The following CASP10 variants were observed in gnomAD, a reference collection of about 807,000 sequenced individuals.
CASP10 encodes caspase-10.
In CASP10, 41 loss-of-function variants were observed where a neutral mutation model predicts 48.5. The observed-to-expected ratio is 0.85, with a 90% CI of 0.66 to 1.10. The LOEUF (loss-of-function observed/expected upper bound fraction) is 1.10. CASP10 is among the 50% of genes least tolerant of loss of function. CASP10 has a pLI of 0.00. For missense variants in CASP10, 614 were observed against 614.5 expected, an observed-to-expected ratio of 1.00 and a Z score of 0.01; for synonymous variants, 232 against 238.4, an observed-to-expected ratio of 0.97 and a Z score of 0.25.
At position 201,219,334 on chromosome 2, in the gene CASP10, T is replaced by C. The variant is rs564618271; in HGVS notation, c.*1593T>C. The C allele has an allele frequency of 3.6e-3, 2,147 of 591,228 alleles. 6 individuals carry two copies. The highest frequency in any genetic ancestry group is 7.9e-3 in the South Asian group (104 of 13,246). The allele number at this position is 591,228 out of a possible 1,614,324, so 36.6% of individuals were successfully genotyped here. On this transcript the variant is annotated 3_prime_UTR_variant, in exon 10 of 10. Transcript: ENST00000286186. Reference sequence around the variant, plus strand: ...CCATTGACAGAACACCCAATTCAAATTGACTGAAGCAAAGAAGGGAATTTA... The same window carrying C: ...CCATTGACAGAACACCCAATTCAAACTGACTGAAGCAAAGAAGGGAATTTA...
At chr2:201,199,164 C>T (rs561564731) in intron 5 of CASP10, among the ~76,000 whole-genome samples, 40 of 152,218 alleles carry the variant, frequency 2.6e-4, no homozygotes, top group Admixed American at 4.6e-4. Context: ...TAAATATTTT[C>T]GTGTGTATTT....
intron 7 of CASP10, among the ~76,000 whole-genome samples, chr2:201,207,326 A>C (rs909950270): frequency 6.6e-6 from 1 of 152,186 alleles, no homozygotes; most frequent in Non-Finnish European, 1.5e-5. Flanking sequence ...CTAGAGTATA[A>C]AAACATGGTT....
At chr2:201,188,872 AT>A (rs112390573) in intron 3 of CASP10, among the ~76,000 whole-genome samples, 8,154 of 143,996 alleles carry the variant, frequency 0.057, 244 homozygotes, top group African/African-American at 0.094. Flanking sequence ...AGATATTAGA[AT>A]TTTTTTTTTT....
At chr2:201,184,372 G>A (rs1944337085) in intron 1 of CASP10, among the ~76,000 whole-genome samples, 1 of 152,152 alleles carries the variant, frequency 6.6e-6, no homozygotes, top group African/African-American at 2.4e-5. Flanking sequence ...CACCCAGGGT[G>A]GAGTGCAGTG....
chr2:201,195,867 A>T lies in CASP10; in HGVS notation c.603A>T (p.Val201=). 6.2e-7 allele frequency: 1 copy of T among 1,613,600 alleles called. No individual in the cohort carries two copies. Among genetic ancestry groups the T allele is most frequent in the African/African-American group, 1.3e-5 (1 of 75,002 alleles). ...EKAIQIVTPP[V]DKEAESYQGE... ...CTATCCAGATAGTGACACCTCCTGT[A>T]GACAAGGAAGCCGAGTCGTATCAAG... Residue 201 remains valine, a synonymous_variant, in exon 5 of 10, where the codon GTA becomes GTT. Coordinates refer to ENST00000286186, the MANE Select transcript of CASP10 (RefSeq NM_032977.4).
In CASP10 at chr2:201,187,819, T is replaced by C; in HGVS notation, c.441+20T>C. The C allele has an allele frequency of 1.3e-6, 2 of 1,515,484 alleles. No homozygotes were observed. The highest frequency in any genetic ancestry group is 1.8e-6 in the Non-Finnish European group (2 of 1,089,876). 93.9% of individuals were successfully genotyped at this position (1,515,484 alleles called of 1,614,324 possible). On this transcript the variant is annotated intron_variant, in intron 3 of 9. Coordinates refer to ENST00000286186, the MANE Select transcript of CASP10 (RefSeq NM_032977.4). ...GAAATGGTGAGTGGGTCATACAGAA[T>C]GGGTCTGTGTGAGCACTGTCTTAAT...
chr2:201,223,960 A>G (rs1004583793), downstream of CASP10, among the ~76,000 whole-genome samples: 1 of 151,586 alleles, frequency 6.6e-6, no homozygotes, highest in Non-Finnish European at 1.5e-5. Context: ...GTTTTTTAAA[A>G]ATGGAACTCT....
downstream of CASP10, among the ~76,000 whole-genome samples, chr2:201,225,376 G>T (rs1171276781): frequency 2.0e-5 from 3 of 152,122 alleles, no homozygotes; most frequent in African/African-American, 7.2e-5. Context: ...GATGTGGCTG[G>T]GGTAAAAACC....
chr2:201,201,427 C>G (rs1945014178), intron 5 of CASP10, among the ~76,000 whole-genome samples: 2 of 152,132 alleles, frequency 1.3e-5, no homozygotes, highest in African/African-American at 4.8e-5. Context: ...TCTTCCCACC[C>G]ACTTTTTCAA....
chr2:201,185,772 C>T lies in CASP10; in HGVS notation c.-6C>T. ...GCCCCACCTCTCTGTCCCTTTCAGG[C>T]TGGCCATGAAATCTCAAGGTCAACA... On this transcript the variant is annotated splice_region_variant and 5_prime_UTR_variant, in exon 2 of 10. Transcript: ENST00000286186. 1.2e-6 allele frequency: 2 copies of T among 1,603,564 alleles called. No individual in the cohort carries two copies. Among genetic ancestry groups the T allele is most frequent in the Non-Finnish European group, 8.5e-7 (1 of 1,170,460 alleles).
At chr2:201,191,400 C>T (rs181658099) in intron 3 of CASP10, among the ~76,000 whole-genome samples, 8 of 151,390 alleles carry the variant, frequency 5.3e-5, no homozygotes, top group East Asian at 1.9e-4. Context: ...TTGTTGGGGG[C>T]GGGGTGGGGA....
chr2:201,211,443 A>G (rs1397995300), intron 9 of CASP10, among the ~76,000 whole-genome samples: 1 of 152,202 alleles, frequency 6.6e-6, no homozygotes, highest in Non-Finnish European at 1.5e-5. Flanking sequence ...TGCTTCTATG[A>G]CATCAACTTT....
Position 201,217,969 on chromosome 2 carries a change from A to AG in CASP10, c.*234dup. On this transcript the variant is annotated 3_prime_UTR_variant, in exon 10 of 10. Transcript: ENST00000286186. ...CATTCTGTCACCCAGACTGGAGTGCAGGGGGGCAATCACGGCTCACTGTAG... is the reference window on the plus strand; with the variant it reads ...CATTCTGTCACCCAGACTGGAGTGCAGGGGGGGCAATCACGGCTCACTGTAG... 1.7e-6 allele frequency: 2 copies of AG among 1,202,106 alleles called. No individual in the cohort carries two copies. Among genetic ancestry groups the AG allele is most frequent in the Non-Finnish European group, 2.2e-6 (2 of 923,316 alleles). 74.5% of individuals were successfully genotyped at this position (1,202,106 alleles called of 1,614,324 possible).
At position 201,220,991 on chromosome 2, in the gene CASP10, T is replaced by G. The variant is rs563614665; in HGVS notation, c.*3250T>G. 2.0e-6 allele frequency: 2 copies of G among 985,322 alleles called. No individual in the cohort carries two copies. Among genetic ancestry groups the G allele is most frequent in the African/African-American group, 3.5e-5 (2 of 57,244 alleles). The allele number at this position is 985,322 out of a possible 1,614,324, so 61.0% of individuals were successfully genotyped here. A position where few individuals can be genotyped will look rare whatever the true frequency, so the allele number is the denominator to read the frequency against. ...CTTGTCTGTAAAGTAGAGAAAACATTAGCTGTTGGGAAGACGAAAAAGAAT... is the reference window on the plus strand; with the variant it reads ...CTTGTCTGTAAAGTAGAGAAAACATGAGCTGTTGGGAAGACGAAAAAGAAT... On this transcript the variant is annotated 3_prime_UTR_variant, in exon 10 of 10. Coordinates refer to ENST00000286186, the MANE Select transcript of CASP10 (RefSeq NM_032977.4).
intron 9 of CASP10, among the ~76,000 whole-genome samples, chr2:201,210,594 G>A (rs760802520): frequency 7.2e-5 from 11 of 152,136 alleles, no homozygotes; most frequent in South Asian, 2.1e-4. Flanking sequence ...GGGAATTCAG[G>A]ATTGGAACCT....
intron 9 of CASP10, among the ~76,000 whole-genome samples, chr2:201,217,303 T>A (rs1438542468): frequency 6.6e-6 from 1 of 152,146 alleles, no homozygotes; most frequent in African/African-American, 2.4e-5. Context: ...CAGTGGCTCA[T>A]GCCTGTAATC....
At chr2:201,194,009 A>G (rs929055011) in intron 4 of CASP10, among the ~76,000 whole-genome samples, 3 of 152,136 alleles carry the variant, frequency 2.0e-5, no homozygotes, top group African/African-American at 7.2e-5. Context: ...ACATGTGGCT[A>G]TTATGGCTCT....
chr2:201,183,175 C>G lies in CASP10; in HGVS notation c.-141C>G, dbSNP rs1944290237. 1 of 152,220 alleles carries G rather than the reference C, an allele frequency of 6.6e-6. No individual in the cohort carries two copies. The highest frequency in any genetic ancestry group is 1.5e-5 in the Non-Finnish European group (1 of 68,042). The allele number at this position is 152,220 out of a possible 1,614,324, so 9.4% of individuals were successfully genotyped here. A position where few individuals can be genotyped will look rare whatever the true frequency, so the allele number is the denominator to read the frequency against. On this transcript the variant is annotated 5_prime_UTR_variant, in exon 1 of 10. Transcript: ENST00000286186. The stretch of plus-strand genomic sequence containing the variant: ...TTAAACAACCAGCAAGTCTTGAAGT[C>G]TCTTCCCAAGCAAATGGGAGCTTCT...
intron 5 of CASP10, among the ~76,000 whole-genome samples, chr2:201,198,378 C>T (rs1944880432): frequency 6.6e-6 from 1 of 151,516 alleles, no homozygotes; most frequent in African/African-American, 2.4e-5. Flanking sequence ...CGCGCATCAA[C>T]ACACCTGGCT....
Sources: allele counts gnomAD v4.1 joint callset (sites outside exome capture counted in the v4.1 genomes callset), GRCh38; gene constraint gnomAD v4.1.1; transcripts MANE v1.5; gene names NCBI Gene and HGNC (gene_info 2026-07-23, HGNC 2026-07-21).